The following PDSS1 variants were observed in gnomAD, a reference collection of about 807,000 sequenced individuals.
The protein encoded by PDSS1 is all trans-polyprenyl-diphosphate synthase PDSS1.
Under a neutral mutation model 57.5 loss-of-function variants are expected in PDSS1, and 43 were observed. The ratio of observed to expected loss-of-function variants is 0.75; its 90% CI spans 0.59 to 0.96. The LOEUF (loss-of-function observed/expected upper bound fraction) is 0.96. Ranked by LOEUF, PDSS1 falls within the 50% of genes least tolerant of loss-of-function variation. PDSS1 has a pLI of 0.00. For synonymous variants in PDSS1, 175 were observed against 191.3 expected (o/e 0.91, Z 0.70); for missense variants, 438 against 527.8 (o/e 0.83, Z 1.67).
chr10:26,735,550 A>T lies in PDSS1; in HGVS notation c.997A>T (p.Thr333Ser). The change falls in exon 10 of 12, where the codon ACT becomes TCT. Residue 333 changes from threonine to serine, a missense_variant. Coordinates refer to ENST00000376215, the MANE Select transcript of PDSS1 (RefSeq NM_014317.5). The part of the protein sequence containing the change: ...TSADLKLGLA[T>S]GPVLFACQQF... ...AGCTGATCTGAAGCTCGGGTTAGCC[A>T]CTGGTCCTGTCCTGTTTGCCTGTCA... The T allele has an allele frequency of 6.2e-7, 1 of 1,613,524 alleles. No homozygotes were observed. The highest frequency in any genetic ancestry group is 8.5e-7 in the Non-Finnish European group (1 of 1,179,404).
At chr10:26,741,872 T>A (rs1160076347) in intron 10 of PDSS1, among the ~76,000 whole-genome samples, 1 of 152,064 alleles carries the variant, frequency 6.6e-6, no homozygotes, top group Non-Finnish European at 1.5e-5. Flanking sequence ...TTAACAACCA[T>A]GTTGTTTTTT....
chr10:26,723,618 GTTCAAACACTGT>G (rs1480596307), intron 6 of PDSS1, among the ~76,000 whole-genome samples, 176 bp from the exon 7 acceptor site: 1 of 152,146 alleles, frequency 6.6e-6, no homozygotes, highest in Non-Finnish European at 1.5e-5. Context: ...AGCCAGTCCA[GTTCAAACACTGT>G]TCCAAATCTG....
intron 10 of PDSS1, among the ~76,000 whole-genome samples, chr10:26,738,061 T>C (rs1322681693): frequency 6.6e-6 from 1 of 152,330 alleles, no homozygotes; most frequent in Middle Eastern, 3.4e-3. Flanking sequence ...AGTTGCCTTC[T>C]AATAAAACAG....
rs72629716 is a variant in PDSS1, at chr10:26,741,719, T to G, written c.1027-778T>G. ...TCCTAGGCCAGTGACTCTCAAAATG[T>G]TGGCAGAGACCAGAGATACTGGTGT... is the stretch of plus-strand genomic sequence containing the variant. On this transcript the variant is annotated intron_variant, in intron 10 of 11. Coordinates refer to ENST00000376215, the MANE Select transcript of PDSS1 (RefSeq NM_014317.5). Among the ~76,000 whole-genome samples the G allele has an allele frequency of 0.018, 2,664 of 152,184 alleles. 179 individuals carry two copies. In the South Asian group the frequency reaches 0.18, roughly 10 times the overall value.
chr10:26,744,796 A>G (rs1250131151), intron 11 of PDSS1, among the ~76,000 whole-genome samples: 1 of 152,194 alleles, frequency 6.6e-6, no homozygotes, highest in Admixed American at 6.5e-5. Context: ...AAACTAAAAT[A>G]TGTCATGTTT....
chr10:26,737,844 T>A (rs937584917), intron 10 of PDSS1, among the ~76,000 whole-genome samples: 1 of 151,358 alleles, frequency 6.6e-6, no homozygotes, highest in Admixed American at 6.6e-5. Flanking sequence ...ATCCCAGTCA[T>A]GAGGCACCTA....
chr10:26,703,720 G>A (rs556056554), intron 2 of PDSS1, among the ~76,000 whole-genome samples: 18 of 152,224 alleles, frequency 1.2e-4, no homozygotes, highest in African/African-American at 4.1e-4. Flanking sequence ...ATGTAATGCT[G>A]TGGGGGAAAG....
In PDSS1 at chr10:26,713,217, G is replaced by A. The variant is rs1003581468; in HGVS notation, c.467+3449G>A. 2.9e-4 allele frequency among the ~76,000 whole-genome samples: 39 copies of A among 134,954 alleles called. 7 individuals are homozygous for A. Among genetic ancestry groups the A allele is most frequent in the African/African-American group, 1.0e-3 (38 of 37,216 alleles). The allele number at this position is 134,954 out of a possible 152,430, so 88.5% of individuals were successfully genotyped here. On this transcript the variant is annotated intron_variant, in intron 5 of 11. Coordinates refer to ENST00000376215, the MANE Select transcript of PDSS1 (RefSeq NM_014317.5). ...TGGGGCAAGAGAATCGCTTGAACCC[G>A]GGAGGCAGAGGTTGCAGTGAGCCGA...
chr10:26,707,118 G>C (rs2132224093), intron 4 of PDSS1, among the ~76,000 whole-genome samples: 1 of 152,320 alleles, frequency 6.6e-6, no homozygotes, highest in East Asian at 1.9e-4. Context: ...CGCATGCGCA[G>C]TGGCCCGCCA....
At chr10:26,731,601 G>C (rs1564432130) in intron 8 of PDSS1, among the ~76,000 whole-genome samples, 2 of 152,252 alleles carry the variant, frequency 1.3e-5, no homozygotes, top group East Asian at 3.9e-4. Flanking sequence ...TCCCTCTGTT[G>C]GGTCTGTACC....
intron 11 of PDSS1, among the ~76,000 whole-genome samples, chr10:26,744,921 T>C (rs957237931): frequency 2.0e-5 from 3 of 151,910 alleles, no homozygotes; most frequent in Admixed American, 1.3e-4. Flanking sequence ...CGCAGCATTT[T>C]GGGAGGCCAA....
chr10:26,706,850 G>A (rs1288851859), intron 4 of PDSS1, among the ~76,000 whole-genome samples: 1 of 152,152 alleles, frequency 6.6e-6, no homozygotes, highest in Non-Finnish European at 1.5e-5. Flanking sequence ...CTCAATTCTT[G>A]CCTCCTCAGA....
At chr10:26,741,562 G>A (rs772873862) in intron 10 of PDSS1, among the ~76,000 whole-genome samples, 14 of 152,096 alleles carry the variant, frequency 9.2e-5, no homozygotes, top group East Asian at 3.9e-4. Flanking sequence ...GTCATGCACC[G>A]CTGCTCAGAT....
intron 8 of PDSS1, among the ~76,000 whole-genome samples, chr10:26,729,487 G>A (rs149302619): frequency 3.9e-4 from 60 of 152,230 alleles, no homozygotes; most frequent in African/African-American, 1.3e-3. Context: ...TTTATTCCAG[G>A]ATTCCATCTT....
In PDSS1 at chr10:26,746,197, G is replaced by A; in HGVS notation, c.1108-136G>A. On this transcript the variant is annotated intron_variant, in intron 11 of 11. Coordinates refer to ENST00000376215, the MANE Select transcript of PDSS1 (RefSeq NM_014317.5). ...TATGAGTCGGGAAAAGAACATTAGA[G>A]ATGTAGTTTGACTGTTAACTGTAAT... The A allele has an allele frequency of 1.6e-5, 15 of 928,982 alleles. No homozygotes were observed. In the South Asian group the frequency reaches 1.8e-4, roughly 11 times the overall value. The allele number at this position is 928,982 out of a possible 1,614,324, so 57.5% of individuals were successfully genotyped here. A position where few individuals can be genotyped will look rare whatever the true frequency, so the allele number is the denominator to read the frequency against.
intron 2 of PDSS1, among the ~76,000 whole-genome samples, chr10:26,703,756 A>T (rs1835116611): frequency 6.6e-6 from 1 of 152,072 alleles, no homozygotes; most frequent in South Asian, 2.1e-4. Flanking sequence ...AACTACTTTG[A>T]CTGGTGTCTG....
intron 10 of PDSS1, among the ~76,000 whole-genome samples, chr10:26,737,475 G>A (rs543641083): frequency 4.0e-4 from 61 of 152,264 alleles, no homozygotes; most frequent in African/African-American, 1.4e-3. Context: ...GCTCATGCCT[G>A]TAATCCCAGC....
chr10:26,733,889 C>T (rs369279507), intron 8 of PDSS1, among the ~76,000 whole-genome samples: 2 of 151,912 alleles, frequency 1.3e-5, no homozygotes, highest in East Asian at 3.9e-4. Context: ...CGGAAGGAAC[C>T]CTTGAGCCCA....
intron 8 of PDSS1, among the ~76,000 whole-genome samples, chr10:26,728,375 A>G (rs999287060): frequency 1.2e-4 from 19 of 152,050 alleles, no homozygotes; most frequent in Admixed American, 3.9e-4. Context: ...CTATAATCCC[A>G]GCTACTCTGG....
Sources: gnomAD v4.1 joint callset for allele counts (sites outside exome capture counted in the v4.1 genomes callset) on GRCh38, gnomAD v4.1.1 for gene constraint, MANE v1.5 for transcripts, NCBI Gene and HGNC (gene_info 2026-07-23, HGNC 2026-07-21) for gene names.